The following TBXA2R variants were observed in gnomAD, a reference collection of about 807,000 sequenced individuals.
TBXA2R encodes prostanoid TP receptor.
Under a neutral mutation model 15.6 loss-of-function variants are expected in TBXA2R, and 15 were observed. The observed-to-expected ratio is 0.96, with a 90% confidence interval of 0.64 to 1.48. TBXA2R has a LOEUF of 1.48. Among genes scored for constraint, TBXA2R ranks in the 40% most tolerant of loss-of-function variants. The pLI is 0.00. For synonymous variants in TBXA2R, 280 were observed against 241.2 expected (o/e 1.16, Z -1.49); for missense variants, 506 against 491.4 (o/e 1.03, Z -0.28).
intron 2 of TBXA2R, 42 bp downstream of exon 2, chr19:3,599,807 C>A: frequency 6.5e-7 from 1 of 1,548,540 alleles, no homozygotes; most frequent in South Asian, 1.2e-5. Flanking sequence ...GACCAGAGGT[C>A]CAGTCAGGAG....
At position 3,600,355 on chromosome 19, in the gene TBXA2R, C is replaced by T. The variant is rs201588450; in HGVS notation, c.280G>A (p.Glu94Lys). 12 of 1,613,306 alleles carry T rather than the reference C, an allele frequency of 7.4e-6. No homozygotes were observed. The highest frequency in any genetic ancestry group is 9.3e-6 in the Non-Finnish European group (11 of 1,179,826). ...CAGCCAGGGTCCACGGCGTGCCACT[C>T]GAAGAGCGCGGCGTGCTGGGACACC... Reference protein sequence around the residue: ...IVVSQHAALFEWHAVDPGCRL... With the variant: ...IVVSQHAALFKWHAVDPGCRL... The change falls in exon 2 of 3, where the codon GAG (glutamate) becomes AAG (lysine). Residue 94 changes from glutamate to lysine, a missense_variant. Transcript: ENST00000375190.
intron 1 of TBXA2R, among the ~76,000 whole-genome samples, chr19:3,604,000 A>C (rs1429335451): frequency 6.6e-6 from 1 of 152,158 alleles, no homozygotes; most frequent in Non-Finnish European, 1.5e-5. Flanking sequence ...GTGTGGACCC[A>C]AGATCGCTTT....
At position 3,595,307 on chromosome 19, in the gene TBXA2R, A is replaced by G. The variant is rs2032575814; in HGVS notation, c.*381T>C. 1.6e-5 allele frequency: 20 copies of G among 1,248,238 alleles called. No individual in the cohort carries two copies. The highest frequency in any genetic ancestry group is 2.1e-5 in the Non-Finnish European group (20 of 968,702). 77.3% of individuals were successfully genotyped at this position (1,248,238 alleles called of 1,614,324 possible). A position where few individuals can be genotyped will look rare whatever the true frequency, so the allele number is the denominator to read the frequency against. On this transcript the variant is annotated 3_prime_UTR_variant, in exon 3 of 3. Coordinates refer to ENST00000375190, the MANE Select transcript of TBXA2R (RefSeq NM_001060.6). ...GGCAGGAGAATCGCTTGAACCCGGG[A>G]GGTGGAGGTTGCAGTGAGCTGAGAT...
At chr19:3,596,511 G>T (rs2032607266) in intron 2 of TBXA2R, among the ~76,000 whole-genome samples, 2 of 152,134 alleles carry the variant, frequency 1.3e-5, no homozygotes, top group African/African-American at 4.8e-5. Context: ...TTCAAGACCA[G>T]CCTGGGGAAC....
rs1300020033 is a variant in TBXA2R at position 3,598,345 on chromosome 19, C to CTTTTTTTTTTTTTTTTTTT, written c.786+1503_786+1504insAAAAAAAAAAAAAAAAAAA. 8.7e-5 allele frequency among the ~76,000 whole-genome samples: 10 copies of CTTTTTTTTTTTTTTTTTTT among 115,390 alleles called. 1 individual carries two copies. Among genetic ancestry groups the CTTTTTTTTTTTTTTTTTTT allele is most frequent in the African/African-American group, 3.2e-4 (9 of 27,784 alleles). 75.7% of individuals were successfully genotyped at this position (115,390 alleles called of 152,430 possible). Reference sequence around the variant, plus strand: ...TTTCTTTTCTTTCTTTCTTTCTTTTCTTTTCTTTTTTTTTTTTTTTTTTGA... The same window carrying CTTTTTTTTTTTTTTTTTTT: ...TTTCTTTTCTTTCTTTCTTTCTTTTCTTTTTTTTTTTTTTTTTTTTTTTCTTTTTTTTTTTTTTTTTTGA... On this transcript the variant is annotated intron_variant, in intron 2 of 2. Coordinates refer to ENST00000375190, the MANE Select transcript of TBXA2R (RefSeq NM_001060.6).
intron 1 of TBXA2R, among the ~76,000 whole-genome samples, chr19:3,603,442 C>T (rs930761143): frequency 2.6e-5 from 4 of 152,206 alleles, no homozygotes; most frequent in African/African-American, 7.2e-5. Flanking sequence ...CCCTCCACTC[C>T]GGGCTGCTTT....
chr19:3,594,888 T>G lies in TBXA2R; in HGVS notation c.*800A>C. The G allele has an allele frequency of 6.5e-7, 1 of 1,536,912 alleles. No homozygotes were observed. Among genetic ancestry groups the G allele is most frequent in the Non-Finnish European group, 8.7e-7 (1 of 1,146,858 alleles). ...TGTTGGAGGTTCAAAAGGAAGCAAC[T>G]GTACCCCAGCAAGTAGGTCAAATTC... On this transcript the variant is annotated 3_prime_UTR_variant, in exon 3 of 3. Transcript: ENST00000375190.
At chr19:3,599,016 G>A (rs1273537190) in intron 2 of TBXA2R, among the ~76,000 whole-genome samples, 1 of 152,096 alleles carries the variant, frequency 6.6e-6, no homozygotes, top group African/African-American at 2.4e-5. Flanking sequence ...ATGGTTAGAG[G>A]AAAACAAAAT....
intron 2 of TBXA2R, among the ~76,000 whole-genome samples, chr19:3,599,352 C>T (rs865922223): frequency 6.8e-5 from 10 of 147,192 alleles, no homozygotes; most frequent in Middle Eastern, 3.6e-3. Context: ...TTTTTTGAGA[C>T]GGAGTCTCGC....
intron 2 of TBXA2R, among the ~76,000 whole-genome samples, chr19:3,596,727 G>A (rs1218577693): frequency 1.5e-5 from 2 of 137,866 alleles, no homozygotes; most frequent in East Asian, 4.6e-4. Flanking sequence ...GACTACAGGC[G>A]CCCACCACCA....
chr19:3,600,956 A>C (rs2032727768), intron 1 of TBXA2R, among the ~76,000 whole-genome samples: 1 of 150,508 alleles, frequency 6.6e-6, no homozygotes, highest in Admixed American at 6.6e-5. Context: ...AGCCTCCCAA[A>C]TAGCTGGGAC....
chr19:3,595,279 T>G lies in TBXA2R; in HGVS notation c.*409A>C. 1 of 1,084,428 alleles carries G rather than the reference T, an allele frequency of 9.2e-7. No homozygotes were observed. Among genetic ancestry groups the G allele is most frequent in the Admixed American group, 3.6e-5 (1 of 27,802 alleles). The allele number at this position is 1,084,428 out of a possible 1,614,324, so 67.2% of individuals were successfully genotyped here. A position where few individuals can be genotyped will look rare whatever the true frequency, so the allele number is the denominator to read the frequency against. The stretch of plus-strand genomic sequence containing the variant: ...CTATAGTCCCAGCTACTCAGGAGGC[T>G]GAGGCAGGAGAATCGCTTGAACCCG... On this transcript the variant is annotated 3_prime_UTR_variant, in exon 3 of 3. Coordinates refer to ENST00000375190, the MANE Select transcript of TBXA2R (RefSeq NM_001060.6).
chr19:3,598,401 A>AGT (rs1448339474), intron 2 of TBXA2R, among the ~76,000 whole-genome samples: 1 of 124,352 alleles, frequency 8.0e-6, no homozygotes, highest in African/African-American at 3.2e-5. Flanking sequence ...CCCAGGCTGG[A>AGT]GTGCAGTGGC....
Position 3,600,180 on chromosome 19 carries a change from G to T in TBXA2R, c.455C>A (p.Thr152Asn). 1 of 1,598,222 alleles carries T rather than the reference G, an allele frequency of 6.3e-7. No individual in the cohort carries two copies. The highest frequency in any genetic ancestry group is 8.5e-7 in the Non-Finnish European group (1 of 1,173,404). Residue 152 changes from threonine to asparagine, a missense_variant, in exon 2 of 3, where the codon ACC becomes AAC. Thr to Asn is a moderately conservative substitution (Grantham distance 65). Coordinates refer to ENST00000375190, the MANE Select transcript of TBXA2R (RefSeq NM_001060.6). ...CGCGGCCGCCCACACCAGCCCCACG[G>T]TGGCCCAGGCGCGGCGCTGCGAGGC... ...AVASQRRAWATVGLVWAAALA... is the reference protein window; with the variant it reads ...AVASQRRAWANVGLVWAAALA...
At position 3,595,557 on chromosome 19, in the gene TBXA2R, C is replaced by A; in HGVS notation, c.*131G>T. ...TCCCCGGGTTGGATTGGGGTCAACC[C>A]AAAACCCTGCTGCTGATGCCCACTG... On this transcript the variant is annotated 3_prime_UTR_variant, in exon 3 of 3. Coordinates refer to ENST00000375190, the MANE Select transcript of TBXA2R (RefSeq NM_001060.6). 1 of 1,446,432 alleles carries A rather than the reference C, an allele frequency of 6.9e-7. No individual in the cohort carries two copies. The allele number at this position is 1,446,432 out of a possible 1,614,324, so 89.6% of individuals were successfully genotyped here.
In TBXA2R at chr19:3,600,265, C is replaced by T; in HGVS notation, c.370G>A (p.Ala124Thr). The T allele has an allele frequency of 6.2e-7, 1 of 1,612,168 alleles. No homozygotes were observed. Among genetic ancestry groups the T allele is most frequent in the Non-Finnish European group, 8.5e-7 (1 of 1,179,638 alleles). ...FFGLSPLLLG[A>T]AMASERYLGI... ...AGGTAGCGCTCTGAGGCCATGGCGG[C>T]CCCCAGCAGCAGCGGGGACAGGCCG... The change falls in exon 2 of 3, where the codon GCC becomes ACC. Residue 124 changes from alanine to threonine, a missense_variant. Coordinates refer to ENST00000375190, the MANE Select transcript of TBXA2R (RefSeq NM_001060.6).
rs1452036491 is a variant in TBXA2R at position 3,595,894 on chromosome 19, T to G, written c.826A>C (p.Met276Leu). 1.9e-6 allele frequency: 3 copies of G among 1,607,186 alleles called. No homozygotes were observed. In the South Asian group the frequency reaches 3.3e-5, roughly 18 times the overall value. Residue 276 changes from methionine to leucine, a missense_variant, in exon 3 of 3, where the codon ATG (methionine) becomes CTG (leucine). By Grantham distance (15) the Met-to-Leu change is conservative. Coordinates refer to ENST00000375190, the MANE Select transcript of TBXA2R (RefSeq NM_001060.6). ...CGGGACAGCTGCCCGGCGGGGCTCA[T>G]GGCAGGCGGGTTTCGCAGCACTGTC... The part of the protein sequence containing the change: ...AQTVLRNPPA[M>L]SPAGQLSRTT...
Position 3,600,642 on chromosome 19 carries a change from G to A in TBXA2R, c.-8C>T. 1 of 1,611,582 alleles carries A rather than the reference G, an allele frequency of 6.2e-7. No individual in the cohort carries two copies. The highest frequency in any genetic ancestry group is 8.5e-7 in the Non-Finnish European group (1 of 1,179,390). On this transcript the variant is annotated 5_prime_UTR_variant, in exon 2 of 3. Transcript: ENST00000375190. ...ACTGCCGTTGGGCCACATGGCTCCGGAGCCCTGAGGGATCAGTCACCACCC... is the reference window on the plus strand; with the variant it reads ...ACTGCCGTTGGGCCACATGGCTCCGAAGCCCTGAGGGATCAGTCACCACCC...
At chr19:3,601,000 C>T (rs1394614017) in intron 1 of TBXA2R, among the ~76,000 whole-genome samples, 5 of 151,658 alleles carry the variant, frequency 3.3e-5, no homozygotes, top group African/African-American at 9.7e-5. Flanking sequence ...GTAGTCCTCC[C>T]GCCTCGGCCT....
Sources: gnomAD v4.1 joint callset for allele counts (sites outside exome capture counted in the v4.1 genomes callset) on GRCh38, gnomAD v4.1.1 for gene constraint, MANE v1.5 for transcripts, NCBI Gene and HGNC (gene_info 2026-07-23, HGNC 2026-07-21) for gene names.